Variants in ATP10B observed in about 807,000 individuals in gnomAD.
ATP10B encodes phospholipid-transporting ATPase VB.
ATP10B carries 122 observed loss-of-function variants against 141.2 expected under a neutral mutation model. The observed-to-expected ratio is 0.86, with a 90% CI of 0.75 to 1.00. The LOEUF is 1.00. ATP10B is among the 50% of genes least tolerant of loss of function. ATP10B has a pLI of 0.00. For missense variants in ATP10B, 1,876 were observed against 1,825.3 expected (o/e 1.03, Z -0.51); for synonymous variants, 685 against 692.0 (o/e 0.99, Z 0.16).
intron 24 of ATP10B, among the ~76,000 whole-genome samples, chr5:160,576,678 A>G (rs4921305): frequency 0.79 from 119,684 of 152,180 alleles, 47,215 homozygotes; most frequent in East Asian, 0.85. Flanking sequence ...GAAGGATGAG[A>G]AGAGAGCCAG....
rs1475423854 is a variant in ATP10B, at chr5:160,584,582, TAA to T, written c.3750+5008_3750+5009del. Among the ~76,000 whole-genome samples the T allele has an allele frequency of 2.0e-5, 3 of 152,214 alleles. No individual in the cohort carries two copies. In the East Asian group the frequency reaches 5.8e-4, roughly 29 times the overall value. On this transcript the variant is annotated intron_variant, in intron 24 of 25. Transcript: ENST00000327245. ...CTTTTTCCCTTTTAGTGATTAATCT[TAA>T]GATACTAAAAAAACTGAACTCTTAT... is the stretch of plus-strand genomic sequence containing the variant.
chr5:160,797,462 C>T (rs1772030103), intron 1 of ATP10B, among the ~76,000 whole-genome samples: 1 of 152,188 alleles, frequency 6.6e-6, no homozygotes, highest in East Asian at 1.9e-4. Flanking sequence ...CTTGAACTTA[C>T]ATCACATCTC....
intron 19 of ATP10B, 96 bp from the exon 20 acceptor site, chr5:160,604,137 C>T (rs1402071720): frequency 1.2e-6 from 1 of 856,564 alleles, no homozygotes; most frequent in Non-Finnish European, 2.0e-6. Flanking sequence ...ACAATTGAAT[C>T]CTTTTAACAT....
At chr5:160,652,194 T>G (rs1333606006) in intron 7 of ATP10B, among the ~76,000 whole-genome samples, 2 of 152,046 alleles carry the variant, frequency 1.3e-5, no homozygotes, top group Non-Finnish European at 2.9e-5. Flanking sequence ...TTTGTCCCCA[T>G]CTTCCTCTTT....
intron 21 of ATP10B, 84 bp downstream of exon 21, chr5:160,602,493 G>T: frequency 6.3e-7 from 1 of 1,578,118 alleles, no homozygotes; most frequent in South Asian, 1.1e-5. Context: ...ATGCTGAGGT[G>T]CTTTGCCCAC....
At chr5:160,568,229 AAG>A (rs1481163935) in intron 25 of ATP10B, among the ~76,000 whole-genome samples, 1 of 152,146 alleles carries the variant, frequency 6.6e-6, no homozygotes, top group African/African-American at 2.4e-5. Context: ...TGGAATTCAT[AAG>A]AGAGGTCTGG....
chr5:160,814,636 A>G (rs939741349), intron 1 of ATP10B, among the ~76,000 whole-genome samples: 2 of 152,162 alleles, frequency 1.3e-5, no homozygotes, highest in South Asian at 2.1e-4. Context: ...TACAGAGAAC[A>G]CCACAAAGAT....
At chr5:160,828,166 T>C (rs1400427629) in intron 1 of ATP10B, among the ~76,000 whole-genome samples, 6 of 152,090 alleles carry the variant, frequency 3.9e-5, no homozygotes, top group Non-Finnish European at 4.4e-5. Flanking sequence ...ACTTCATGTC[T>C]AAAACACCAA....
intron 1 of ATP10B, among the ~76,000 whole-genome samples, chr5:160,801,641 T>G (rs984379004): frequency 6.6e-6 from 1 of 152,124 alleles, no homozygotes; most frequent in African/African-American, 2.4e-5. Flanking sequence ...TCTGAACCCA[T>G]TCTCCCCCAA....
At chr5:160,582,210 G>T (rs571891566) in intron 24 of ATP10B, among the ~76,000 whole-genome samples, 1 of 152,204 alleles carries the variant, frequency 6.6e-6, no homozygotes, top group African/African-American at 2.4e-5. Flanking sequence ...TGGTTATTTT[G>T]CCCATTAGTT....
the ATP10B span, among the ~76,000 whole-genome samples, chr5:160,889,872 G>A: frequency 4.1e-4 from 63 of 152,228 alleles, no homozygotes; most frequent in African/African-American, 1.4e-3. Flanking sequence ...AGCTAGAGAG[G>A]CTTTGCTTCA....
the ATP10B span, among the ~76,000 whole-genome samples, chr5:160,907,968 G>C: frequency 6.6e-6 from 1 of 152,142 alleles, no homozygotes; most frequent in Admixed American, 6.6e-5. Context: ...AGAGCTTGGA[G>C]GATGACTTGG....
chr5:160,660,424 T>C (rs1761829159), intron 7 of ATP10B, among the ~76,000 whole-genome samples: 1 of 152,234 alleles, frequency 6.6e-6, no homozygotes, highest in Non-Finnish European at 1.5e-5. Flanking sequence ...ATGTCAGATA[T>C]TTTTAAAACC....
At chr5:160,779,372 G>A (rs1161780499) in intron 2 of ATP10B, among the ~76,000 whole-genome samples, 1 of 152,120 alleles carries the variant, frequency 6.6e-6, no homozygotes, top group Non-Finnish European at 1.5e-5. Flanking sequence ...CAAAAGTGAT[G>A]GGATGTCACT....
At chr5:160,615,174 G>A (rs1226431105) in intron 17 of ATP10B, among the ~76,000 whole-genome samples, 1 of 152,046 alleles carries the variant, frequency 6.6e-6, no homozygotes, top group East Asian at 1.9e-4. Flanking sequence ...TGATTGACAT[G>A]ACCCTTCATA....
intron 2 of ATP10B, among the ~76,000 whole-genome samples, chr5:160,736,274 A>G (rs916343583): frequency 2.0e-5 from 3 of 152,224 alleles, no homozygotes; most frequent in African/African-American, 7.2e-5. Context: ...TAAATGAAAA[A>G]GGAGACATTA....
rs190082766 is a variant in ATP10B, at chr5:160,832,714, C to T, written c.-576+19227G>A. Among the ~76,000 whole-genome samples the T allele has an allele frequency of 3.4e-3, 524 of 152,196 alleles. 1 individual carries two copies. Among genetic ancestry groups the T allele is most frequent in the African/African-American group, 0.011 (459 of 41,540 alleles). ...TATACTCTAAAAAAACCCTCATCTTCCTGACGACACAAAAATACCTAAATA... is the reference window on the plus strand; with the variant it reads ...TATACTCTAAAAAAACCCTCATCTTTCTGACGACACAAAAATACCTAAATA... On this transcript the variant is annotated intron_variant, in intron 1 of 25. Transcript: ENST00000327245.
Position 160,565,974 on chromosome 5 carries a change from C to T in ATP10B, c.3939-74G>A. 4 of 1,389,846 alleles carry T rather than the reference C, an allele frequency of 2.9e-6. No individual in the cohort carries two copies. The Admixed American group carries it at 6.8e-5, about 24-fold the overall frequency. 86.1% of individuals were successfully genotyped at this position (1,389,846 alleles called of 1,614,324 possible). ...ATAAACTTCAGCATTAAAAGATAGTCTTTAGAATCCAACTCCCTGCCTGGA... is the reference window on the plus strand; with the variant it reads ...ATAAACTTCAGCATTAAAAGATAGTTTTTAGAATCCAACTCCCTGCCTGGA... On this transcript the variant is annotated intron_variant, in intron 25 of 25. Coordinates refer to ENST00000327245, the MANE Select transcript of ATP10B (RefSeq NM_025153.3).
chr5:160,906,466 G>T, the ATP10B span, among the ~76,000 whole-genome samples: 2 of 152,178 alleles, frequency 1.3e-5, no homozygotes, highest in East Asian at 3.9e-4. Context: ...GGAGGAGTCA[G>T]TGAAAGGTGT....
Sources: allele counts gnomAD v4.1 joint callset (sites outside exome capture counted in the v4.1 genomes callset), GRCh38; gene constraint gnomAD v4.1.1; transcripts MANE v1.5; gene names NCBI Gene and HGNC (gene_info 2026-07-23, HGNC 2026-07-21).